FBXW5: variants seen among roughly 807,000 people sequenced by gnomAD.
The protein encoded by FBXW5 is F-box and WD repeat domain containing 5.
In FBXW5, 74 loss-of-function variants were observed where a neutral mutation model predicts 50.9. The ratio of observed to expected loss-of-function variants is 1.45; its 90% CI spans 1.20 to 1.76. FBXW5 has a LOEUF of 1.76. FBXW5 is among the 40% of genes most tolerant of loss of function. The pLI is 0.00. For missense variants in FBXW5, 1,073 were observed against 818.8 expected (o/e 1.31, Z -3.79); for synonymous variants, 523 against 362.2 (o/e 1.44, Z -5.04).
Position 136,942,494 on chromosome 9 carries a change from G to T in FBXW5, c.676-28C>A, listed in dbSNP as rs199992603. The T allele has an allele frequency of 3.6e-4, 576 of 1,597,930 alleles. 2 individuals are homozygous for T. The highest frequency in any genetic ancestry group is 4.6e-4 in the Non-Finnish European group (539 of 1,169,150). On this transcript the variant is annotated intron_variant, in intron 5 of 8. Coordinates refer to ENST00000325285, the MANE Select transcript of FBXW5 (RefSeq NM_018998.4). ...GGGGGCGGGGGCACGTGCCAGGTGGGCGCCGGGCGCCAGGCCCCAGGAGGG... is the reference window on the plus strand; with the variant it reads ...GGGGGCGGGGGCACGTGCCAGGTGGTCGCCGGGCGCCAGGCCCCAGGAGGG...
At position 136,942,918 on chromosome 9, in the gene FBXW5, G is replaced by C; in HGVS notation, c.377C>G (p.Ser126Trp). 1.2e-5 allele frequency: 19 copies of C among 1,613,384 alleles called. No homozygotes were observed. The highest frequency in any genetic ancestry group is 1.6e-5 in the Non-Finnish European group (19 of 1,179,944). The change falls in exon 4 of 9, where the codon TCG becomes TGG. Residue 126 changes from serine (S) to tryptophan (W), a missense_variant. Transcript: ENST00000325285. ...CCGCATGTCCGCGCTGTGCAGCAGC[G>C]AGATGGTCAGGTCGTTGCTCCAGAT... Reference protein sequence around the residue: ...VKIWSNDLTISLLHSADMRPY... With the variant: ...VKIWSNDLTIWLLHSADMRPY...
In FBXW5 at chr9:136,943,418, C is replaced by T; in HGVS notation, c.282G>A (p.Gln94=). ...AATGGGAGAAGCTGAGGTGCAGGAC[C>T]TGGTCTGTGTGTTCCCGCAGCGTCT... ...EVQTLREHTD[Q]VLHLSFSHSG... is the part of the protein sequence containing the mutation. The change falls in exon 3 of 9, where the codon CAG becomes CAA. Residue 94 remains glutamine (Q), a synonymous_variant. Transcript: ENST00000325285. 1 of 1,612,904 alleles carries T rather than the reference C, an allele frequency of 6.2e-7. No homozygotes were observed. Among genetic ancestry groups the T allele is most frequent in the Non-Finnish European group, 8.5e-7 (1 of 1,179,982 alleles).
In FBXW5 at chr9:136,941,094, A is replaced by G. The variant is rs1850737244; in HGVS notation, c.1535T>C (p.Val512Ala). The G allele has an allele frequency of 1.9e-6, 3 of 1,576,882 alleles. No individual in the cohort carries two copies. Among genetic ancestry groups the G allele is most frequent in the Non-Finnish European group, 2.6e-6 (3 of 1,161,262 alleles). Residue 512 changes from valine (V) to alanine (A), a missense_variant, in exon 9 of 9, where the codon GTG becomes GCG. Physicochemically the swap from Val to Ala is moderately conservative, Grantham distance 64. Transcript: ENST00000325285. ...GGGACTGAAGACCACTGAGTTGACC[A>G]CATCCTCGTGCCGCAGCCTGGCCAG... ...ICLARLRHEDVVNSVVFSPQE... is the reference protein window; with the variant it reads ...ICLARLRHEDAVNSVVFSPQE...
rs1369797305 is a variant in FBXW5, at chr9:136,942,083, G to C, written c.1059C>G (p.Phe353Leu). The change falls in exon 6 of 9, where the codon TTC becomes TTG. Residue 353 changes from phenylalanine to leucine, a missense_variant. Phe to Leu is a conservative substitution (Grantham distance 22). Coordinates refer to ENST00000325285, the MANE Select transcript of FBXW5 (RefSeq NM_018998.4). The stretch of plus-strand genomic sequence containing the variant: ...GGGAGTAGGTGAGGCAGCCAGTGGT[G>C]AAGATGAGGTACTTGCTCTTGGCGC... ...ATGAKSKYLI[F>L]TTGCLTYSPH... is the part of the protein sequence containing the mutation. 1.2e-6 allele frequency: 2 copies of C among 1,612,000 alleles called. No homozygotes were observed. The highest frequency in any genetic ancestry group is 1.3e-5 in the African/African-American group (1 of 74,892).
chr9:136,942,119 G>A lies in FBXW5; in HGVS notation c.1023C>T (p.Arg341=). 4 of 1,612,292 alleles carry A rather than the reference G, an allele frequency of 2.5e-6. No individual in the cohort carries two copies. Among genetic ancestry groups the A allele is most frequent in the Admixed American group, 1.7e-5 (1 of 59,814 alleles). ...ACTTGCTCTTGGCGCCTGTGGCACT[G>A]CGCTCGGGTGGCTTGGTGTGGCCCT... The part of the protein sequence containing the change: ...LAQGHTKPPE[R]SATGAKSKYL... The change falls in exon 6 of 9, where the codon CGC becomes CGT. Residue 341 remains arginine (R), a synonymous_variant. Transcript: ENST00000325285.
At chr9:136,941,825 C>T (rs1180257087) in intron 6 of FBXW5, 141 bp from the exon 7 acceptor site, 8 of 1,440,904 alleles carry the variant, frequency 5.6e-6, no homozygotes, top group Non-Finnish European at 5.5e-6. Context: ...GGGCCCCAGA[C>T]CTGAATCAGG....
rs937950655 is a variant in FBXW5, at chr9:136,944,604, T to TCCGCCCGCTGCGCCGCCC, written c.-52_-35dup. The TCCGCCCGCTGCGCCGCCC allele has an allele frequency of 2.5e-5, 25 of 983,902 alleles. No homozygotes were observed. In the South Asian group the frequency reaches 5.9e-4, roughly 23 times the overall value. 60.9% of individuals were successfully genotyped at this position (983,902 alleles called of 1,614,324 possible). A position where few individuals can be genotyped will look rare whatever the true frequency, so the allele number is the denominator to read the frequency against. ...CGCAGGCGCACTCACCACGGCCGCCTCCGCCCGCTGCGCCGCCCCCGCCCT... is the reference window on the plus strand; with the variant it reads ...CGCAGGCGCACTCACCACGGCCGCCTCCGCCCGCTGCGCCGCCCCCGCCCGCTGCGCCGCCCCCGCCCT... On this transcript the variant is annotated 5_prime_UTR_variant, in exon 1 of 9. Coordinates refer to ENST00000325285, the MANE Select transcript of FBXW5 (RefSeq NM_018998.4).
In FBXW5 at chr9:136,942,810, G is replaced by A. The variant is rs780236095; in HGVS notation, c.485C>T (p.Pro162Leu). 8 of 1,613,020 alleles carry A rather than the reference G, an allele frequency of 5.0e-6. No homozygotes were observed. The highest frequency in any genetic ancestry group is 1.7e-5 in the Admixed American group (1 of 59,984). ...AATCTCGCCGGATGAGGAGTTGTGC[G>A]GCCCCAGGAACACCCCCGAGGCCAG... Reference protein sequence around the residue: ...LLLASGVFLGPHNSSSGEIAV... With the variant: ...LLLASGVFLGLHNSSSGEIAV... Residue 162 changes from proline (P) to leucine (L), a missense_variant, in exon 4 of 9, where the codon CCG becomes CTG. Coordinates refer to ENST00000325285, the MANE Select transcript of FBXW5 (RefSeq NM_018998.4).
intron 1 of FBXW5, 68 bp from the exon 2 acceptor site, chr9:136,944,174 C>T (rs868841964): frequency 1.1e-5 from 16 of 1,440,116 alleles, no homozygotes; most frequent in South Asian, 2.8e-5. Context: ...GCGTCCTGTT[C>T]CTCCAGCCCC....
rs1367575360 is a variant in FBXW5 at position 136,943,459 on chromosome 9, G to A, written c.241C>T (p.Pro81Ser). The A allele has an allele frequency of 6.2e-7, 1 of 1,612,600 alleles. No homozygotes were observed. The highest frequency in any genetic ancestry group is 1.3e-5 in the African/African-American group (1 of 74,926). Reference protein sequence around the residue: ...EEFQRLYDTVPCVEVQTLREH... With the variant: ...EEFQRLYDTVSCVEVQTLREH... The stretch of plus-strand genomic sequence containing the variant: ...CGCAGCGTCTGCACCTCCACGCAGG[G>A]CACCGTGTCATACAGCCGCTGGAAC... Residue 81 changes from proline (P) to serine (S), a missense_variant, in exon 3 of 9, where the codon CCC (proline) becomes TCC (serine). Pro to Ser is a moderately conservative substitution (Grantham distance 74, BLOSUM62 -1). Coordinates refer to ENST00000325285, the MANE Select transcript of FBXW5 (RefSeq NM_018998.4).
chr9:136,942,698 G>C lies in FBXW5; in HGVS notation c.527-3C>G, dbSNP rs779779412. The C allele has an allele frequency of 9.3e-6, 15 of 1,611,278 alleles. No individual in the cohort carries two copies. In the East Asian group the frequency reaches 3.1e-4, roughly 34 times the overall value. The stretch of plus-strand genomic sequence containing the variant: ...GCGGGACAGCAGCGCGAAGGAGTCT[G>C]TGGGGAGGCCGGGGCTGGACAGGCT... On this transcript the variant is annotated splice_polypyrimidine_tract_variant and splice_region_variant and intron_variant, in intron 4 of 8. Transcript: ENST00000325285.
rs756249026 is a variant in FBXW5, at chr9:136,943,979, T to A, written c.105A>T (p.Gln35His). The change falls in exon 2 of 9, where the codon CAA (glutamine) becomes CAT (histidine). Residue 35 changes from glutamine (Q) to histidine (H), a missense_variant. By Grantham distance (24) the Gln-to-His change is conservative. Transcript: ENST00000325285. ...DVLAAGLVCR[Q>H]WQAVSRDEFL... is the part of the protein sequence containing the mutation. The stretch of plus-strand genomic sequence containing the variant: ...ACTCGTCCCGCGACACGGCCTGCCA[T>A]TGGCGGCACACCAGCCCGGCGGCCA... 2 of 1,581,292 alleles carry A rather than the reference T, an allele frequency of 1.3e-6. No individual in the cohort carries two copies. The highest frequency in any genetic ancestry group is 2.7e-5 in the African/African-American group (2 of 74,072).
Position 136,940,877 on chromosome 9 carries a change from C to A in FBXW5, c.*51G>T. 1 of 1,544,110 alleles carries A rather than the reference C, an allele frequency of 6.5e-7. No homozygotes were observed. The highest frequency in any genetic ancestry group is 8.7e-7 in the Non-Finnish European group (1 of 1,146,616). On this transcript the variant is annotated 3_prime_UTR_variant, in exon 9 of 9. Coordinates refer to ENST00000325285, the MANE Select transcript of FBXW5 (RefSeq NM_018998.4). ...TCCCGCTCGGGAAAAAGCCACAGAG[C>A]CTGGCGATGTCCTCAAGGGGTCCCG...
At chr9:136,941,506 AC>A (rs1850763596) in intron 7 of FBXW5, 30 bp downstream of exon 7, 1 of 1,606,352 alleles carries the variant, frequency 6.2e-7, no homozygotes, top group African/African-American at 1.3e-5. Flanking sequence ...GCCTGCGGGC[AC>A]CCCGCCTGGG....
Position 136,944,003 on chromosome 9 carries a change from C to T in FBXW5, c.81G>A (p.Leu27=), listed in dbSNP as rs747421065. 14 of 1,596,244 alleles carry T rather than the reference C, an allele frequency of 8.8e-6. No homozygotes were observed. In the South Asian group the frequency reaches 9.0e-5, roughly 10 times the overall value. The change falls in exon 2 of 9, where the codon CTG becomes CTA. Residue 27 remains leucine, a synonymous_variant. Coordinates refer to ENST00000325285, the MANE Select transcript of FBXW5 (RefSeq NM_018998.4). The part of the protein sequence containing the change: ...IFLSLGPADV[L]AAGLVCRQWQ... The stretch of plus-strand genomic sequence containing the variant: ...ATTGGCGGCACACCAGCCCGGCGGC[C>T]AGCACGTCGGCCGGGCCCAGGCTCA...
At chr9:136,941,213 C>T (rs753630793) in intron 8 of FBXW5, 38 bp downstream of exon 8, 1 of 1,599,282 alleles carries the variant, frequency 6.3e-7, no homozygotes, top group Non-Finnish European at 8.5e-7. Context: ...CCGCCCGCTG[C>T]TGCCCACACC....
In FBXW5 at chr9:136,940,885, TG is replaced by T. The variant is rs1042861969; in HGVS notation, c.*42del. Reference sequence around the variant, plus strand: ...GGGAAAAAGCCACAGAGCCTGGCGATGTCCTCAAGGGGTCCCGGTGGCTCCA... The same window carrying T: ...GGGAAAAAGCCACAGAGCCTGGCGATTCCTCAAGGGGTCCCGGTGGCTCCA... On this transcript the variant is annotated 3_prime_UTR_variant, in exon 9 of 9. Transcript: ENST00000325285. The T allele has an allele frequency of 4.5e-6, 7 of 1,551,852 alleles. No homozygotes were observed. In the African/African-American group the frequency reaches 9.5e-5, roughly 21 times the overall value.
chr9:136,944,273 C>CG, intron 1 of FBXW5, 167 bp from the exon 2 acceptor site: 1 of 782,024 alleles, frequency 1.3e-6, no homozygotes, highest in Non-Finnish European at 1.8e-6. Flanking sequence ...CAGCTCCGGG[C>CG]GGGCCGGGCC....
Position 136,943,997 on chromosome 9 carries a change from G to C in FBXW5, c.87C>G (p.Ala29=). ...LSLGPADVLA[A]GLVCRQWQAV... is the part of the protein sequence containing the mutation. Reference sequence around the variant, plus strand: ...CCTGCCATTGGCGGCACACCAGCCCGGCGGCCAGCACGTCGGCCGGGCCCA... The same window carrying C: ...CCTGCCATTGGCGGCACACCAGCCCCGCGGCCAGCACGTCGGCCGGGCCCA... Residue 29 remains alanine (A), a synonymous_variant, in exon 2 of 9, where the codon GCC becomes GCG. Coordinates refer to ENST00000325285, the MANE Select transcript of FBXW5 (RefSeq NM_018998.4). 2 of 1,592,534 alleles carry C rather than the reference G, an allele frequency of 1.3e-6. No homozygotes were observed. Among genetic ancestry groups the C allele is most frequent in the Non-Finnish European group, 8.5e-7 (1 of 1,170,826 alleles).
Sources: gnomAD v4.1 joint callset for allele counts on GRCh38, gnomAD v4.1.1 for gene constraint, MANE v1.5 for transcripts, NCBI Gene and HGNC (gene_info 2026-07-23, HGNC 2026-07-21) for gene names.